The following STK3 variants were observed in gnomAD, a reference collection of about 807,000 sequenced individuals.
STK3 encodes the protein serine/threonine kinase 3, also known as serine/threonine-protein kinase 3.
In STK3, 41 loss-of-function variants were observed where a neutral mutation model predicts 58.0. The observed-to-expected ratio is 0.71, with a 90% confidence interval of 0.55 to 0.92. STK3 has a LOEUF of 0.92. STK3 is among the 40% of genes least tolerant of loss of function. STK3 has a pLI of 0.00. For synonymous variants in STK3, 170 were observed against 191.0 expected (o/e 0.89, Z 0.91); for missense variants, 479 against 602.7 (o/e 0.79, Z 2.15).
chr8:98,376,013 C>T (rs1004216116), intron 2 of STK3, among the ~76,000 whole-genome samples: 2 of 152,166 alleles, frequency 1.3e-5, no homozygotes, highest in Admixed American at 6.5e-5. Flanking sequence ...TTCACTGGGG[C>T]TATCCCATTT....
intron 9 of STK3, among the ~76,000 whole-genome samples, chr8:98,541,388 C>G (rs1466905098): frequency 6.6e-6 from 1 of 152,102 alleles, no homozygotes. Context: ...TTCTCCCGTT[C>G]AGCCATGTAG....
At chr8:98,631,660 G>T (rs907272722) in intron 6 of STK3, among the ~76,000 whole-genome samples, 2 of 151,464 alleles carry the variant, frequency 1.3e-5, no homozygotes, top group African/African-American at 4.8e-5. Flanking sequence ...TATAGTTTTC[G>T]TTTTTTTGTG....
chr8:98,699,013 A>T lies in STK3; in HGVS notation c.684+7454T>A, dbSNP rs1825278457. Among the ~76,000 whole-genome samples the T allele has an allele frequency of 5.3e-5, 8 of 152,180 alleles. No individual in the cohort carries two copies. The South Asian group carries it at 1.7e-3, about 32-fold the overall frequency. ...CTTTCAGGTACACAGTGAGATGAAG[A>T]TCTGGTCTTTTCACATAGTCCCATA... On this transcript the variant is annotated intron_variant, in intron 6 of 10. Coordinates refer to ENST00000419617, the MANE Select transcript of STK3 (RefSeq NM_006281.4).
downstream of STK3, among the ~76,000 whole-genome samples, chr8:98,400,363 C>G (rs559643067): frequency 1.3e-5 from 2 of 152,330 alleles, no homozygotes; most frequent in South Asian, 2.1e-4. Flanking sequence ...GGTGTCACCA[C>G]GAGGGAACAC....
chr8:98,546,436 CA>C (rs1456416705), intron 9 of STK3, among the ~76,000 whole-genome samples: 109 of 152,094 alleles, frequency 7.2e-4, no homozygotes, highest in African/African-American at 2.4e-3. Flanking sequence ...AAAAGTTGTT[CA>C]TATAGTTTCA....
At chr8:98,770,226 G>T (rs1791827186) in intron 2 of STK3, among the ~76,000 whole-genome samples, 1 of 151,980 alleles carries the variant, frequency 6.6e-6, no homozygotes, top group African/African-American at 2.4e-5. Flanking sequence ...AGCATGCAGT[G>T]GTCCTCCAGA....
intron 10 of STK3, among the ~76,000 whole-genome samples, chr8:98,495,439 T>A (rs1244472687): frequency 1.3e-5 from 2 of 152,116 alleles, no homozygotes; most frequent in Admixed American, 1.3e-4. Context: ...GCTCTGACCA[T>A]GAAAAATGTT....
At chr8:98,637,767 T>A (rs1321565346) in intron 6 of STK3, among the ~76,000 whole-genome samples, 3 of 152,178 alleles carry the variant, frequency 2.0e-5, no homozygotes, top group Non-Finnish European at 4.4e-5. Context: ...ATGAAACTGA[T>A]AATTTAGCTG....
upstream of STK3, among the ~76,000 whole-genome samples, chr8:98,392,460 G>A (rs751897518): frequency 6.6e-5 from 10 of 152,118 alleles, no homozygotes; most frequent in Non-Finnish European, 1.0e-4. Flanking sequence ...CCCTCCCACC[G>A]AAACCGAGAT....
At chr8:98,759,451 C>G (rs1830488929) in intron 3 of STK3, among the ~76,000 whole-genome samples, 1 of 152,128 alleles carries the variant, frequency 6.6e-6, no homozygotes, top group South Asian at 2.1e-4. Context: ...CACCTCAAAA[C>G]AATTACAACA....
chr8:98,864,369 A>G (rs927802816), intron 3 of STK3, among the ~76,000 whole-genome samples: 5 of 152,168 alleles, frequency 3.3e-5, no homozygotes, highest in Non-Finnish European at 5.9e-5. Flanking sequence ...GTGGAATACA[A>G]AACAAGAACG....
intron 6 of STK3, among the ~76,000 whole-genome samples, chr8:98,671,733 C>A (rs1822846617): frequency 6.6e-6 from 1 of 152,066 alleles, no homozygotes; most frequent in South Asian, 2.1e-4. Context: ...AGGCACATAC[C>A]ACCACACTTG....
intron 10 of STK3, among the ~76,000 whole-genome samples, chr8:98,523,375 C>CTTT (rs558917345): frequency 1.5e-5 from 2 of 137,736 alleles, no homozygotes; most frequent in African/African-American, 2.7e-5. Context: ...GTCCTTTGCC[C>CTTT]TTTTTTTTTT....
intron 1 of STK3, among the ~76,000 whole-genome samples, chr8:98,924,874 G>A (rs1839722770): frequency 6.6e-6 from 1 of 152,200 alleles, no homozygotes; most frequent in African/African-American, 2.4e-5. Flanking sequence ...GGATAGTGGA[G>A]CCTGGACACT....
chr8:98,866,718 G>A (rs148134749), intron 3 of STK3, among the ~76,000 whole-genome samples: 40 of 152,330 alleles, frequency 2.6e-4, no homozygotes, highest in African/African-American at 8.9e-4. Flanking sequence ...TGCCTGAGAG[G>A]ACTGAAGTAA....
intron 1 of STK3, among the ~76,000 whole-genome samples, chr8:98,897,619 A>G (rs193175127): frequency 1.4e-4 from 21 of 152,290 alleles, no homozygotes; most frequent in African/African-American, 4.8e-4. Flanking sequence ...AAACAAAAAA[A>G]AAGTCTTTTT....
At chr8:98,867,271 T>C (rs1837179246) in intron 3 of STK3, among the ~76,000 whole-genome samples, 1 of 151,986 alleles carries the variant, frequency 6.6e-6, no homozygotes, top group African/African-American at 2.4e-5. Flanking sequence ...CAAAAATTAG[T>C]TGGGCGTGGT....
chr8:98,419,901 C>G (rs1376579486), intron 3 of STK3, among the ~76,000 whole-genome samples: 2 of 152,148 alleles, frequency 1.3e-5, no homozygotes, highest in African/African-American at 2.4e-5. Context: ...TATCGCTCAA[C>G]TTAATACAGA....
chr8:98,883,657 T>C (rs1029798260), downstream of STK3: 1 of 702,970 alleles, frequency 1.4e-6, no homozygotes, highest in Admixed American at 2.0e-5. Flanking sequence ...CTGTCTTGCT[T>C]GTTTTCTTCT....
Sources: allele counts gnomAD v4.1 joint callset (sites outside exome capture counted in the v4.1 genomes callset), GRCh38; gene constraint gnomAD v4.1.1; transcripts MANE v1.5; gene names NCBI Gene and HGNC (gene_info 2026-07-23, HGNC 2026-07-21).